The following RBFOX3 variants were observed in gnomAD, a reference collection of about 807,000 sequenced individuals.
RBFOX3 encodes the protein RNA binding protein fox-1 homolog 3.
Under a neutral mutation model 48.7 loss-of-function variants are expected in RBFOX3, and 17 were observed. The ratio of observed to expected loss-of-function variants is 0.35; its 90% CI spans 0.24 to 0.52. The LOEUF (loss-of-function observed/expected upper bound fraction) is 0.52. Among genes scored for constraint, RBFOX3 ranks in the 20% least tolerant of loss-of-function variants. The pLI is 0.94. For synonymous variants in RBFOX3, 212 were observed against 209.5 expected, an observed-to-expected ratio of 1.01 and a Z score of -0.10; for missense variants, 382 against 497.5, an observed-to-expected ratio of 0.77 and a Z score of 2.21.
rs1054660126 is a variant in RBFOX3 at position 79,364,357 on chromosome 17, C to T, written c.-174-56533G>A. 1.1e-4 allele frequency among the ~76,000 whole-genome samples: 16 copies of T among 152,204 alleles called. No homozygotes were observed. The highest frequency in any genetic ancestry group is 3.6e-4 in the African/African-American group (15 of 41,448). On this transcript the variant is annotated intron_variant, in intron 2 of 14. Transcript: ENST00000693108. This position sits in a 1 kb window ranked among gnomAD's most constrained non-coding sequence, Gnocchi z 5.1. ...GGACTTGCAGTCTATAGAAGACACA[C>T]GCTTGGGTGTTCCTTGAATGACGGG...
At chr17:79,259,271 C>T (rs967349697) in intron 3 of RBFOX3, among the ~76,000 whole-genome samples, 2 of 152,176 alleles carry the variant, frequency 1.3e-5, no homozygotes, top group African/African-American at 4.8e-5. Flanking sequence ...GTCCTCGGGT[C>T]GAGGGTGGAG....
intron 3 of RBFOX3, among the ~76,000 whole-genome samples, chr17:79,291,893 A>T (rs771662647): frequency 4.2e-4 from 64 of 152,142 alleles, no homozygotes; most frequent in Non-Finnish European, 8.4e-4. Flanking sequence ...AGCTAATTCC[A>T]ACACAAAAGC....
chr17:79,343,154 A>T (rs186781773), intron 2 of RBFOX3, among the ~76,000 whole-genome samples: 193 of 152,318 alleles, frequency 1.3e-3, no homozygotes, highest in African/African-American at 4.4e-3. Context: ...GGCTTAGTAC[A>T]TGACGATCTC....
Position 79,115,693 on chromosome 17 carries a change from G to A in RBFOX3, c.23C>T (p.Ala8Val), listed in dbSNP as rs1484518184. 5 of 809,596 alleles carry A rather than the reference G, an allele frequency of 6.2e-6. No individual in the cohort carries two copies. The South Asian group carries it at 8.1e-5, about 13-fold the overall frequency. The allele number at this position is 809,596 out of a possible 1,614,324, so 50.2% of individuals were successfully genotyped here. A position where few individuals can be genotyped will look rare whatever the true frequency, so the allele number is the denominator to read the frequency against. ...GTTCTGTGGCGGAGGGGGGTACTGGGCGGGGGGGTAGGGCTGGGCCATCGC... is the reference window on the plus strand; with the variant it reads ...GTTCTGTGGCGGAGGGGGGTACTGGACGGGGGGGTAGGGCTGGGCCATCGC... The part of the protein sequence containing the change: MAQPYPP[A>V]QYPPPPQNGI... Residue 8 changes from alanine (A) to valine (V), a missense_variant, in exon 5 of 15, where the codon GCC (alanine) becomes GTC (valine). Around this residue, in one of 3 missense-constraint regions of RBFOX3, gnomAD observed 118 missense variants for 132.1 expected, o/e 0.89. Transcript: ENST00000693108.
chr17:79,406,692 C>T (rs899728255), intron 2 of RBFOX3, among the ~76,000 whole-genome samples: 2 of 152,178 alleles, frequency 1.3e-5, no homozygotes, highest in Admixed American at 6.5e-5. Flanking sequence ...ATGACCACGT[C>T]GCATGGAATT....
intron 3 of RBFOX3, among the ~76,000 whole-genome samples, chr17:79,258,189 G>A (rs370772155): frequency 6.6e-5 from 10 of 152,238 alleles, no homozygotes; most frequent in Middle Eastern, 3.4e-3. Context: ...TTGGTCCTCC[G>A]CGGTGAATAG....
At chr17:79,491,862 T>G (rs2080721342) in intron 1 of RBFOX3, among the ~76,000 whole-genome samples, 1 of 152,122 alleles carries the variant, frequency 6.6e-6, no homozygotes, top group Non-Finnish European at 1.5e-5. Context: ...GGCAGATCAC[T>G]TGAGGTCAGG....
chr17:79,558,729 C>T (rs1010767505), intron 1 of RBFOX3, among the ~76,000 whole-genome samples: 3 of 152,320 alleles, frequency 2.0e-5, no homozygotes, highest in South Asian at 2.1e-4. Flanking sequence ...CACATATTCT[C>T]ACCACCCACA....
intron 4 of RBFOX3, among the ~76,000 whole-genome samples, chr17:79,148,144 C>T (rs1260245952): frequency 6.6e-6 from 1 of 152,180 alleles, no homozygotes; most frequent in Non-Finnish European, 1.5e-5. Context: ...AACACGGTAG[C>T]CTCTCTAGGT....
At chr17:79,148,391 G>A (rs1010920098) in intron 4 of RBFOX3, among the ~76,000 whole-genome samples, 1 of 152,214 alleles carries the variant, frequency 6.6e-6, no homozygotes, top group East Asian at 1.9e-4. Context: ...GTGCCCCACT[G>A]CTGGGGCCTG....
At chr17:79,225,742 C>A (rs115591770) in intron 4 of RBFOX3, among the ~76,000 whole-genome samples, 2,570 of 152,304 alleles carry the variant, frequency 0.017, 63 homozygotes, top group African/African-American at 0.058. Context: ...GTCCCTTCTG[C>A]CTCAGCAGCA....
chr17:79,348,215 C>T (rs1285224820), intron 2 of RBFOX3, among the ~76,000 whole-genome samples: 3 of 152,198 alleles, frequency 2.0e-5, no homozygotes, highest in African/African-American at 7.2e-5. Flanking sequence ...TTGCTTGGCT[C>T]CCTGTGAGCA....
intron 10 of RBFOX3, 127 bp downstream of exon 10, chr17:79,097,565 C>CACGGCG (rs1349332550): frequency 2.4e-5 from 29 of 1,223,722 alleles, no homozygotes; most frequent in Non-Finnish European, 3.1e-5. Context: ...ACTCAGTCAA[C>CACGGCG]ACGGCGACGG....
chr17:79,470,847 A>G (rs2076974248), intron 2 of RBFOX3, among the ~76,000 whole-genome samples: 2 of 152,196 alleles, frequency 1.3e-5, no homozygotes, highest in African/African-American at 4.8e-5. Context: ...CCAGTCCCTC[A>G]GGGGTACAGG....
chr17:79,096,641 G>A lies in RBFOX3; in HGVS notation c.936+12C>T. The stretch of plus-strand genomic sequence containing the variant: ...CTGATCCCACCCTCCCTCCCGGCGG[G>A]GCTACACTTACATAAATCTCAGCAC... On this transcript the variant is annotated intron_variant, in intron 12 of 14. Coordinates refer to ENST00000693108, the MANE Select transcript of RBFOX3 (RefSeq NM_001350451.2). 6.5e-7 allele frequency: 1 copy of A among 1,543,686 alleles called. No homozygotes were observed. The highest frequency in any genetic ancestry group is 8.8e-7 in the Non-Finnish European group (1 of 1,140,292).
intron 3 of RBFOX3, among the ~76,000 whole-genome samples, chr17:79,295,436 C>A (rs1401010108): frequency 6.6e-6 from 1 of 152,136 alleles, no homozygotes; most frequent in Non-Finnish European, 1.5e-5. Context: ...GGGATGCCTG[C>A]CGCCTTGGTG....
chr17:79,656,921 A>G, the RBFOX3 span, among the ~76,000 whole-genome samples: 10 of 89,652 alleles, frequency 1.1e-4, no homozygotes, highest in South Asian at 2.6e-3. Flanking sequence ...AGGAAGGAAA[A>G]GAAAAGAGAA....
At chr17:79,238,970 C>T (rs1156507541) in intron 3 of RBFOX3, among the ~76,000 whole-genome samples, 2 of 152,178 alleles carry the variant, frequency 1.3e-5, no homozygotes, top group South Asian at 2.1e-4. Flanking sequence ...AGCCCAGCTT[C>T]GTCCTCCATC....
chr17:79,108,151 C>A (rs1420149433), intron 5 of RBFOX3, among the ~76,000 whole-genome samples: 3 of 152,252 alleles, frequency 2.0e-5, no homozygotes, highest in Admixed American at 6.5e-5. Context: ...ACACGGAGAA[C>A]CCCTCCTCAG....
Sources: gnomAD v4.1 joint callset for allele counts (sites outside exome capture counted in the v4.1 genomes callset) on GRCh38, gnomAD v4.1.1 for gene constraint, gnomAD v4.1.1 regional missense constraint, Gnocchi (gnomAD v3.1) non-coding constraint, MANE v1.5 for transcripts, NCBI Gene and HGNC (gene_info 2026-07-23, HGNC 2026-07-21) for gene names.